The following SYNPR variants were observed in gnomAD, a reference collection of about 807,000 sequenced individuals.
SYNPR encodes the protein synaptoporin.
A neutral mutation model predicts 32.9 loss-of-function variants in SYNPR; 23 were observed. The observed-to-expected ratio is 0.70, with a 90% CI of 0.50 to 0.99. The LOEUF (loss-of-function observed/expected upper bound fraction) is 0.99, where lower values mean the gene tolerates loss of function less well. Ranked by LOEUF, SYNPR falls within the 50% of genes least tolerant of loss-of-function variation. SYNPR has a pLI of 0.00. For missense variants in SYNPR, 318 were observed against 349.3 expected, an observed-to-expected ratio of 0.91 and a Z score of 0.71; for synonymous variants, 146 against 135.9, an observed-to-expected ratio of 1.07 and a Z score of -0.52.
At chr3:63,343,046 A>G (rs1470666530) in intron 2 of SYNPR, among the ~76,000 whole-genome samples, 2 of 152,218 alleles carry the variant, frequency 1.3e-5, no homozygotes, top group Non-Finnish European at 2.9e-5. Context: ...TCAATCATGG[A>G]AAACATTAGA....
At chr3:63,528,359 A>T (rs1702053679) in intron 3 of SYNPR, among the ~76,000 whole-genome samples, 1 of 152,184 alleles carries the variant, frequency 6.6e-6, no homozygotes, top group Non-Finnish European at 1.5e-5. Flanking sequence ...GTTAATATTC[A>T]AGAGGGCCAT....
At chr3:63,437,331 C>T (rs1374286200) in intron 2 of SYNPR, among the ~76,000 whole-genome samples, 1 of 152,148 alleles carries the variant, frequency 6.6e-6, no homozygotes, top group Non-Finnish European at 1.5e-5. Flanking sequence ...ACCTTGTATG[C>T]ATTCGTTTAC....
At chr3:63,319,426 G>GA (rs1201691794) in intron 2 of SYNPR, among the ~76,000 whole-genome samples, 6 of 151,786 alleles carry the variant, frequency 4.0e-5, no homozygotes, top group Non-Finnish European at 8.8e-5. Flanking sequence ...AAAGTTGCAG[G>GA]ACACAAAATC....
chr3:63,205,462 C>T, the SYNPR span, among the ~76,000 whole-genome samples: 5 of 152,168 alleles, frequency 3.3e-5, no homozygotes, highest in Admixed American at 2.0e-4. Flanking sequence ...CAAAAACTCC[C>T]TTTGTATGAT....
intron 2 of SYNPR, among the ~76,000 whole-genome samples, chr3:63,369,022 G>A (rs573668113): frequency 3.3e-5 from 5 of 152,302 alleles, no homozygotes; most frequent in African/African-American, 7.2e-5. Flanking sequence ...ACAATTTGAT[G>A]TCTTAACCCC....
Position 63,260,511 on chromosome 3 carries a change from A to T in SYNPR, n.155-6806A>T, listed in dbSNP as rs534790040. ...ATAAATGGTGCTGGGAAAACTGGCT[A>T]GCCATTATGTAGAAAGCTGAAACTG... On this transcript the variant is annotated intron_variant and non_coding_transcript_variant, in intron 2 of 4. Coordinates refer to the SYNPR transcript ENST00000478456. Among the ~76,000 whole-genome samples the T allele has an allele frequency of 1.8e-4, 28 of 152,362 alleles. 1 individual carries two copies. The South Asian group carries it at 4.1e-3, about 23-fold the overall frequency.
At chr3:63,336,964 G>A (rs2087303490) in intron 2 of SYNPR, among the ~76,000 whole-genome samples, 1 of 151,986 alleles carries the variant, frequency 6.6e-6, no homozygotes, top group Admixed American at 6.6e-5. Context: ...AGGCATGGTG[G>A]CTCACACCTG....
intron 1 of SYNPR, among the ~76,000 whole-genome samples, chr3:63,249,685 A>G (rs1249164768): frequency 1.3e-5 from 2 of 152,170 alleles, no homozygotes; most frequent in East Asian, 1.9e-4. Context: ...CTGTACCCCA[A>G]TAACTTATGG....
chr3:63,310,156 T>A (rs2086949312), intron 2 of SYNPR, among the ~76,000 whole-genome samples: 1 of 151,986 alleles, frequency 6.6e-6, no homozygotes, highest in Non-Finnish European at 1.5e-5. Flanking sequence ...ACTCTTCTTT[T>A]TTCCATTGGT....
chr3:63,321,845 G>A (rs369636249), intron 2 of SYNPR, among the ~76,000 whole-genome samples: 15 of 152,090 alleles, frequency 9.9e-5, no homozygotes, highest in East Asian at 1.9e-4. Context: ...TCTTTGCACC[G>A]TACATTATAA....
intron 2 of SYNPR, among the ~76,000 whole-genome samples, chr3:63,292,919 G>A (rs138922291): frequency 1.3e-5 from 2 of 152,296 alleles, no homozygotes; most frequent in East Asian, 3.9e-4. Flanking sequence ...AGAATGATTA[G>A]ACCAGAGTGT....
chr3:63,415,035 A>T (rs2088521576), intron 2 of SYNPR, among the ~76,000 whole-genome samples: 1 of 152,246 alleles, frequency 6.6e-6, no homozygotes, highest in Non-Finnish European at 1.5e-5. Flanking sequence ...AAATAAGTTC[A>T]CTATTAAAAA....
chr3:63,523,501 T>A (rs1001260621), intron 3 of SYNPR, among the ~76,000 whole-genome samples: 3 of 152,014 alleles, frequency 2.0e-5, no homozygotes, highest in African/African-American at 7.2e-5. Context: ...GGAATTATTC[T>A]CTCCCTTTGC....
At chr3:63,553,912 G>A (rs1702549025) in intron 3 of SYNPR, among the ~76,000 whole-genome samples, 1 of 151,904 alleles carries the variant, frequency 6.6e-6, no homozygotes, top group South Asian at 2.1e-4. Context: ...GTAGAGATGG[G>A]GTTTCTCCAT....
At chr3:63,265,155 T>C (rs2086473658) in intron 2 of SYNPR, among the ~76,000 whole-genome samples, 1 of 151,980 alleles carries the variant, frequency 6.6e-6, no homozygotes, top group South Asian at 2.1e-4. Context: ...AGAAAGAAGA[T>C]ATATGAGTCT....
intron 2 of SYNPR, among the ~76,000 whole-genome samples, chr3:63,474,563 G>C (rs962189891): frequency 6.6e-6 from 1 of 152,088 alleles, no homozygotes; most frequent in African/African-American, 2.4e-5. Flanking sequence ...GAGTTGTGTA[G>C]ATCTCCTCCT....
intron 2 of SYNPR, among the ~76,000 whole-genome samples, chr3:63,337,348 A>G (rs1227887192): frequency 6.6e-6 from 1 of 152,170 alleles, no homozygotes; most frequent in African/African-American, 2.4e-5. Flanking sequence ...GTTAAAATGC[A>G]AAACACTAAC....
At chr3:63,444,951 T>TG (rs1337578631) in intron 2 of SYNPR, among the ~76,000 whole-genome samples, 1 of 128,770 alleles carries the variant, frequency 7.8e-6, no homozygotes, top group Non-Finnish European at 1.8e-5. Flanking sequence ...GATAATTTGT[T>TG]GGAAAAAAAA....
At chr3:63,488,047 C>T (rs1386140999) in intron 3 of SYNPR, among the ~76,000 whole-genome samples, 4 of 152,118 alleles carry the variant, frequency 2.6e-5, no homozygotes, top group Non-Finnish European at 5.9e-5. Context: ...GGAGTTTGGG[C>T]CATTATCTAG....
Sources: allele counts gnomAD v4.1 joint callset (sites outside exome capture counted in the v4.1 genomes callset), GRCh38; gene constraint gnomAD v4.1.1; transcripts MANE v1.5; gene names NCBI Gene and HGNC (gene_info 2026-07-23, HGNC 2026-07-21).